Variants in KCNIP4 observed in about 807,000 individuals in gnomAD.
The protein encoded by KCNIP4 is Kv channel-interacting protein 4.
In KCNIP4, 12 loss-of-function variants were observed where a neutral mutation model predicts 34.0. That is an observed-to-expected ratio of 0.35 (90% CI 0.23 to 0.57). KCNIP4 has a LOEUF of 0.57. Ranked by LOEUF, KCNIP4 falls within the 20% of genes least tolerant of loss-of-function variation. The pLI, the probability that KCNIP4 is intolerant of heterozygous loss-of-function variation, is 0.83. For missense variants in KCNIP4, 238 were observed against 311.7 expected, an observed-to-expected ratio of 0.76 and a Z score of 1.78; for synonymous variants, 124 against 102.2, an observed-to-expected ratio of 1.21 and a Z score of -1.29.
chr4:21,525,601 GT>G (rs139602526), intron 1 of KCNIP4, among the ~76,000 whole-genome samples: 2 of 151,996 alleles, frequency 1.3e-5, no homozygotes, highest in Admixed American at 6.6e-5. Flanking sequence ...AATGACATTT[GT>G]TTTTTTATTT....
intron 1 of KCNIP4, among the ~76,000 whole-genome samples, chr4:21,604,272 T>C (rs1194241751): frequency 1.3e-5 from 2 of 152,142 alleles, no homozygotes; most frequent in African/African-American, 2.4e-5. Context: ...GAGTAACAGA[T>C]GAATGCCTAC....
chr4:21,528,749 A>G (rs1263296135), intron 1 of KCNIP4, among the ~76,000 whole-genome samples: 1 of 7,394 alleles, frequency 1.4e-4, no homozygotes, highest in African/African-American at 6.2e-4. Context: ...GAAAGAAAGA[A>G]AGAAAGAAAG....
At chr4:21,070,826 C>A (rs947288126) in intron 1 of KCNIP4, among the ~76,000 whole-genome samples, 30 of 151,562 alleles carry the variant, frequency 2.0e-4, no homozygotes, top group African/African-American at 7.3e-4. Context: ...TAGGCGCCGG[C>A]TACCATGCAC....
chr4:21,138,867 G>A (rs1029464823), intron 1 of KCNIP4, among the ~76,000 whole-genome samples: 1 of 152,094 alleles, frequency 6.6e-6, no homozygotes, highest in African/African-American at 2.4e-5. Context: ...AGCCTGGAGA[G>A]GATGGGAAAG....
intron 1 of KCNIP4, among the ~76,000 whole-genome samples, chr4:21,322,401 A>G (rs896981933): frequency 4.6e-5 from 7 of 152,282 alleles, no homozygotes; most frequent in African/African-American, 1.7e-4. Flanking sequence ...CATTACTCCT[A>G]TTAAGTCCAG....
chr4:21,227,135 G>C (rs183937458), intron 1 of KCNIP4, among the ~76,000 whole-genome samples: 30 of 152,266 alleles, frequency 2.0e-4, no homozygotes, highest in Non-Finnish European at 4.0e-4. Context: ...CCAGCATGTA[G>C]CAGACCTTTA....
chr4:21,785,311 C>T (rs200263798), intron 1 of KCNIP4, among the ~76,000 whole-genome samples: 2 of 151,710 alleles, frequency 1.3e-5, no homozygotes, highest in East Asian at 3.9e-4. Context: ...AAAAACTTGG[C>T]TGGCCACAGT....
intron 1 of KCNIP4, among the ~76,000 whole-genome samples, chr4:21,766,737 TC>T (rs1263131510): frequency 6.6e-6 from 1 of 152,154 alleles, no homozygotes; most frequent in Non-Finnish European, 1.5e-5. Context: ...TATTTCAAAG[TC>T]TGGCATCTCT....
chr4:21,884,673 G>T (rs548350756), intron 1 of KCNIP4, among the ~76,000 whole-genome samples: 54 of 152,260 alleles, frequency 3.5e-4, no homozygotes, highest in African/African-American at 1.2e-3. Flanking sequence ...GGTGATCTAT[G>T]ATAAAGGCTT....
At position 21,106,664 on chromosome 4, in the gene KCNIP4, T is replaced by C. The variant is rs1748573467; in HGVS notation, c.62-223955A>G. Among the ~76,000 whole-genome samples, 4 of 151,686 alleles carry C rather than the reference T, an allele frequency of 2.6e-5. No homozygotes were observed. In the South Asian group the frequency reaches 6.2e-4, roughly 24 times the overall value. On this transcript the variant is annotated intron_variant, in intron 1 of 8. Coordinates refer to ENST00000382152, the MANE Select transcript of KCNIP4 (RefSeq NM_025221.6). ...GCGTTTGAATGTGTTTGCTCTTGCT[T>C]TTCTAGTTCTTTTAATTGTAACGTT...
rs539705336 is a variant in KCNIP4, at chr4:21,370,650, T to C, written c.62-487941A>G. Among the ~76,000 whole-genome samples the C allele has an allele frequency of 3.3e-4, 47 of 141,110 alleles. No homozygotes were observed. In the South Asian group the frequency reaches 9.9e-3, roughly 30 times the overall value. The allele number at this position is 141,110 out of a possible 152,430, so 92.6% of individuals were successfully genotyped here. A position where few individuals can be genotyped will look rare whatever the true frequency, so the allele number is the denominator to read the frequency against. On this transcript the variant is annotated intron_variant, in intron 1 of 8. Coordinates refer to ENST00000382152, the MANE Select transcript of KCNIP4 (RefSeq NM_025221.6). Reference sequence around the variant, plus strand: ...GGAAGGCTTAGCCAAGAAGATGATATGCGGACATATAAGCTCTGAAGCGCT... The same window carrying C: ...GGAAGGCTTAGCCAAGAAGATGATACGCGGACATATAAGCTCTGAAGCGCT...
chr4:21,948,602 C>T lies in KCNIP4; in HGVS notation c.30G>A (p.Ser10=). Residue 10 remains serine, a synonymous_variant, in exon 1 of 9, where the codon TCG becomes TCA. Coordinates refer to ENST00000382152, the MANE Select transcript of KCNIP4 (RefSeq NM_025221.6). The stretch of plus-strand genomic sequence containing the variant: ...TAGAGCTGGCCTCCTCCAGCTGAGC[C>T]GAAATGCTTTCCACCCTCCTCACAT... The part of the protein sequence containing the change: MNVRRVESI[S]AQLEEASSTG... The T allele has an allele frequency of 6.2e-7, 1 of 1,613,704 alleles. No homozygotes were observed. Among genetic ancestry groups the T allele is most frequent in the East Asian group, 2.2e-5 (1 of 44,844 alleles).
rs140665054 is a variant in KCNIP4, at chr4:21,565,463, T to C, written c.61+383108A>G. On this transcript the variant is annotated intron_variant, in intron 1 of 8. Coordinates refer to ENST00000382152, the MANE Select transcript of KCNIP4 (RefSeq NM_025221.6). ...ATACAAATTTTGAGACACAATTCAG[T>C]CCATGGCAAATACTGTAGGGTAGTT... 3.9e-3 allele frequency among the ~76,000 whole-genome samples: 600 copies of C among 152,218 alleles called. 4 individuals carry two copies. Among genetic ancestry groups the C allele is most frequent in the African/African-American group, 0.013 (558 of 41,532 alleles).
intron 1 of KCNIP4, among the ~76,000 whole-genome samples, chr4:21,272,098 T>C (rs1762184519): frequency 6.6e-6 from 1 of 152,190 alleles, no homozygotes; most frequent in Non-Finnish European, 1.5e-5. Flanking sequence ...TTTATAGTGG[T>C]CAGGCACATG....
In KCNIP4 at chr4:21,050,150, G is replaced by A. The variant is rs527572014; in HGVS notation, c.62-167441C>T. ...ATAAAAGTCAGTGAAAATATAATTG[G>A]CAATGTCATGCAAAACTGGAAATAA... On this transcript the variant is annotated intron_variant, in intron 1 of 8. Coordinates refer to ENST00000382152, the MANE Select transcript of KCNIP4 (RefSeq NM_025221.6). 1.5e-4 allele frequency among the ~76,000 whole-genome samples: 23 copies of A among 152,252 alleles called. No homozygotes were observed. The South Asian group carries it at 4.2e-3, about 27-fold the overall frequency.
intron 1 of KCNIP4, among the ~76,000 whole-genome samples, chr4:21,702,252 C>T (rs1298233127): frequency 1.3e-5 from 2 of 151,992 alleles, no homozygotes; most frequent in Admixed American, 6.6e-5. Flanking sequence ...TGCATCCTCA[C>T]GTGGAGGAGA....
chr4:21,886,935 T>TG (rs1203565836), intron 1 of KCNIP4, among the ~76,000 whole-genome samples: 1 of 152,098 alleles, frequency 6.6e-6, no homozygotes, highest in Non-Finnish European at 1.5e-5. Flanking sequence ...TGAAGACCAC[T>TG]GAAAAAACTG....
chr4:21,409,657 C>T (rs1183951987), intron 1 of KCNIP4, among the ~76,000 whole-genome samples: 1 of 152,032 alleles, frequency 6.6e-6, no homozygotes, highest in Non-Finnish European at 1.5e-5. Context: ...TTCATTCTGT[C>T]GTGCAACAAA....
At chr4:21,121,144 G>C (rs1750123026) in intron 1 of KCNIP4, among the ~76,000 whole-genome samples, 1 of 152,204 alleles carries the variant, frequency 6.6e-6, no homozygotes, top group Admixed American at 6.5e-5. Flanking sequence ...CAAGGCAGGA[G>C]ACATTACAAC....
Sources: gnomAD v4.1 joint callset for allele counts (sites outside exome capture counted in the v4.1 genomes callset) on GRCh38, gnomAD v4.1.1 for gene constraint, MANE v1.5 for transcripts, NCBI Gene and HGNC (gene_info 2026-07-23, HGNC 2026-07-21) for gene names.